The following CAPN13 variants were observed in gnomAD, a reference collection of about 807,000 sequenced individuals.
CAPN13 encodes calpain 13.
Under a neutral mutation model 98.4 loss-of-function variants are expected in CAPN13, and 90 were observed. That is an observed-to-expected ratio of 0.92 (90% CI 0.77 to 1.09). CAPN13 has a LOEUF of 1.09. CAPN13 is among the 50% of genes least tolerant of loss of function. CAPN13 has a pLI of 0.00. For missense variants in CAPN13, 887 were observed against 841.3 expected (o/e 1.05, Z -0.67); for synonymous variants, 330 against 305.5 (o/e 1.08, Z -0.84).
At position 30,732,486 on chromosome 2, in the gene CAPN13, TGACCCTGCC is replaced by T. The variant is rs1212641440; in HGVS notation, c.1870_1878del (p.Gly624_Val626del). On this transcript the variant is annotated inframe_deletion, in exon 20 of 23. Transcript: ENST00000295055. ...AGGAAGCAGACCAGGCTGGGGAAGC[TGACCCTGCC>T]GACGCTGTCGCTGTACCTGAGGGTC... 1 of 1,613,250 alleles carries T rather than the reference TGACCCTGCC, an allele frequency of 6.2e-7. No individual in the cohort carries two copies. Among genetic ancestry groups the T allele is most frequent in the Non-Finnish European group, 8.5e-7 (1 of 1,179,718 alleles).
intron 6 of CAPN13, 102 bp from the exon 7 acceptor site, chr2:30,763,258 G>T: frequency 1.0e-6 from 1 of 982,660 alleles, no homozygotes; most frequent in Non-Finnish European, 1.6e-6. Context: ...GGGCCTCACT[G>T]ACTCACTTGG....
At chr2:30,724,112 A>G (rs2103475670) in intron 22 of CAPN13, among the ~76,000 whole-genome samples, 1 of 152,254 alleles carries the variant, frequency 6.6e-6, no homozygotes. Flanking sequence ...TTTCATGTCT[A>G]CATCTTCCCT....
At chr2:30,774,172 C>T in intron 4 of CAPN13, among the ~76,000 whole-genome samples, 1 of 151,902 alleles carries the variant, frequency 6.6e-6, no homozygotes, top group African/African-American at 2.4e-5. Flanking sequence ...TATATCAAAA[C>T]CTATGGATAC....
At chr2:30,762,846 A>G (rs1169343437) in intron 7 of CAPN13, among the ~76,000 whole-genome samples, 1 of 152,232 alleles carries the variant, frequency 6.6e-6, no homozygotes, top group Non-Finnish European at 1.5e-5. Context: ...GAGATCAGCA[A>G]CAGGACAGCA....
chr2:30,761,740 T>A (rs1466593484), intron 7 of CAPN13, among the ~76,000 whole-genome samples: 2 of 152,202 alleles, frequency 1.3e-5, no homozygotes, highest in Non-Finnish European at 2.9e-5. Context: ...TTACCTATCG[T>A]CCAAAAAGCA....
Position 30,787,322 on chromosome 2 carries a change from C to T in CAPN13, c.4G>A (p.Ala2Thr). The change falls in exon 2 of 23, where the codon GCG (alanine) becomes ACG (threonine). Residue 2 changes from alanine to threonine, a missense_variant. Coordinates refer to ENST00000295055, the MANE Select transcript of CAPN13 (RefSeq NM_144575.3). ...TCCACTGAAGGCTCCTGGTAATACG[C>T]CATGACTCTCCTTAGAAGACTTCCG... is the stretch of plus-strand genomic sequence containing the variant. M[A>T]YYQEPSVETS... 4 of 1,611,110 alleles carry T rather than the reference C, an allele frequency of 2.5e-6. No individual in the cohort carries two copies. The highest frequency in any genetic ancestry group is 2.5e-6 in the Non-Finnish European group (3 of 1,178,848).
At chr2:30,768,346 T>A (rs535173188) in intron 5 of CAPN13, among the ~76,000 whole-genome samples, 2 of 152,286 alleles carry the variant, frequency 1.3e-5, no homozygotes, top group Admixed American at 1.3e-4. Context: ...GATGAGGAGT[T>A]CAGAGGAAGT....
chr2:30,759,512 G>A (rs1672715570), intron 7 of CAPN13, among the ~76,000 whole-genome samples: 1 of 152,204 alleles, frequency 6.6e-6, no homozygotes, highest in South Asian at 2.1e-4. Flanking sequence ...AGGCCCAGAG[G>A]GGTGAGGAAA....
intron 4 of CAPN13, among the ~76,000 whole-genome samples, chr2:30,773,780 G>T (rs949745937): frequency 6.6e-6 from 1 of 152,104 alleles, no homozygotes; most frequent in Non-Finnish European, 1.5e-5. Context: ...ATGATCTAAT[G>T]AATCAAGCAG....
intron 8 of CAPN13, among the ~76,000 whole-genome samples, chr2:30,755,797 T>C (rs1003234338): frequency 6.6e-6 from 1 of 152,216 alleles, no homozygotes; most frequent in African/African-American, 2.4e-5. Flanking sequence ...ATTTTATAAT[T>C]AAGTGATAAT....
chr2:30,787,094 T>G, intron 2 of CAPN13, 34 bp downstream of exon 2: 2 of 1,495,412 alleles, frequency 1.3e-6, no homozygotes, highest in Non-Finnish European at 1.8e-6. Flanking sequence ...CCGAGGACCC[T>G]GGAGCTGGGT....
At chr2:30,738,675 C>T (rs1216872730) in intron 15 of CAPN13, among the ~76,000 whole-genome samples, 1 of 152,152 alleles carries the variant, frequency 6.6e-6, no homozygotes, top group East Asian at 1.9e-4. Context: ...ATGCTTGGCC[C>T]CTGGTGTGGG....
chr2:30,804,454 C>T (rs1158921470), intron 1 of CAPN13, among the ~76,000 whole-genome samples: 3 of 152,206 alleles, frequency 2.0e-5, no homozygotes, highest in Admixed American at 6.5e-5. Flanking sequence ...CCGCCCACCT[C>T]GGCCTCCCAA....
rs548038906 is a variant in CAPN13, at chr2:30,807,329, G to A, written c.-60C>T. On this transcript the variant is annotated 5_prime_UTR_variant, in exon 1 of 23. Coordinates refer to ENST00000295055, the MANE Select transcript of CAPN13 (RefSeq NM_144575.3). ...GTTTCCTAGGCAGGTGTGTCTGATG[G>A]AGGAGGGGAGACGGGCAGGTTCCAC... 1 of 152,486 alleles carries A rather than the reference G, an allele frequency of 6.6e-6. No individual in the cohort carries two copies. Among genetic ancestry groups the A allele is most frequent in the African/African-American group, 2.4e-5 (1 of 41,558 alleles). The allele number at this position is 152,486 out of a possible 1,614,324, so 9.4% of individuals were successfully genotyped here.
intron 2 of CAPN13, among the ~76,000 whole-genome samples, chr2:30,786,759 C>A (rs1674302822): frequency 6.6e-6 from 1 of 152,166 alleles, no homozygotes; most frequent in Admixed American, 6.5e-5. Context: ...AAGATACTGA[C>A]ACCTGAAGAG....
chr2:30,753,739 T>C (rs963261212), intron 9 of CAPN13, among the ~76,000 whole-genome samples: 1 of 152,188 alleles, frequency 6.6e-6, no homozygotes, highest in Admixed American at 6.5e-5. Context: ...CTAATTTCCA[T>C]TGAAATGCAT....
intron 4 of CAPN13, 66 bp from the exon 5 acceptor site, chr2:30,770,515 C>T (rs1673349318): frequency 6.4e-7 from 1 of 1,572,704 alleles, no homozygotes; most frequent in Non-Finnish European, 8.6e-7. Context: ...GGTCCCCCAA[C>T]CTAAGCCAAA....
chr2:30,766,612 C>T (rs1000857678), intron 5 of CAPN13, among the ~76,000 whole-genome samples: 2 of 152,158 alleles, frequency 1.3e-5, no homozygotes, highest in African/African-American at 4.8e-5. Flanking sequence ...GTCACCTGAC[C>T]CAGGAATTCT....
At chr2:30,770,161 C>A (rs1673323823) in intron 5 of CAPN13, among the ~76,000 whole-genome samples, 152 bp downstream of exon 5, 1 of 152,244 alleles carries the variant, frequency 6.6e-6, no homozygotes, top group African/African-American at 2.4e-5. Flanking sequence ...CTCCTGATGG[C>A]CCCAACATGG....
Sources: gnomAD v4.1 joint callset for allele counts (sites outside exome capture counted in the v4.1 genomes callset) on GRCh38, gnomAD v4.1.1 for gene constraint, MANE v1.5 for transcripts, NCBI Gene and HGNC (gene_info 2026-07-23, HGNC 2026-07-21) for gene names.